The following PRRC2B variants were observed in gnomAD, a reference collection of about 807,000 sequenced individuals.
PRRC2B encodes the protein protein PRRC2B.
In PRRC2B, 68 loss-of-function variants were observed where a neutral mutation model predicts 242.3. That is an observed-to-expected ratio of 0.28 (90% confidence interval 0.23 to 0.34). The LOEUF is 0.34. Among genes scored for constraint, PRRC2B ranks in the 10% least tolerant of loss-of-function variants. PRRC2B has a pLI of 1.00. For missense variants in PRRC2B, 2,835 were observed against 2,954.8 expected, an observed-to-expected ratio of 0.96 and a Z score of 0.94; for synonymous variants, 1,228 against 1,173.6, an observed-to-expected ratio of 1.05 and a Z score of -0.95.
chr9:131,488,904 G>C (rs1944103043), intron 28 of PRRC2B, among the ~76,000 whole-genome samples: 1 of 152,162 alleles, frequency 6.6e-6, no homozygotes, highest in Non-Finnish European at 1.5e-5. Context: ...GTCTGGTCTG[G>C]CTTGCAGTCT....
At chr9:131,400,701 G>C (rs925431545) in intron 1 of PRRC2B, among the ~76,000 whole-genome samples, 1 of 152,042 alleles carries the variant, frequency 6.6e-6, no homozygotes, top group African/African-American at 2.4e-5. Flanking sequence ...CATGAGCCAC[G>C]GCACCCAGCA....
intron 1 of PRRC2B, among the ~76,000 whole-genome samples, chr9:131,403,054 T>C (rs1047438964): frequency 2.6e-5 from 4 of 152,208 alleles, no homozygotes; most frequent in Admixed American, 6.5e-5. Context: ...ACTCTTTCCA[T>C]GGGTCCTTTG....
chr9:131,480,866 ACT>A (rs1467730605), intron 19 of PRRC2B, among the ~76,000 whole-genome samples: 2 of 151,918 alleles, frequency 1.3e-5, no homozygotes, highest in African/African-American at 2.4e-5. Context: ...TCTTTCAAAG[ACT>A]CTGTAGAAGC....
At chr9:131,459,499 T>C in intron 11 of PRRC2B, 143 bp downstream of exon 11, 1 of 785,594 alleles carries the variant, frequency 1.3e-6, no homozygotes. Flanking sequence ...AGACAGGGTC[T>C]CACTATGTTG....
chr9:131,492,253 AC>A lies in PRRC2B; in HGVS notation c.6468del (p.Tyr2157ThrfsTer43), dbSNP rs779157079. 1 of 1,613,510 alleles carries A rather than the reference AC, an allele frequency of 6.2e-7. No individual in the cohort carries two copies. The highest frequency in any genetic ancestry group is 2.2e-5 in the East Asian group (1 of 44,864). On this transcript the variant is annotated frameshift_variant, in exon 30 of 32. Coordinates refer to ENST00000683519, the MANE Select transcript of PRRC2B (RefSeq NM_013318.4). LOFTEE classifies it high-confidence loss of function. ...AGGAGGCCCCGTGCCATCGCCACAG[AC>A]CTACAGGTAAAGCCACTCCCTGGGG... ...PSGGPVPSPQTYRPSSASPSG... is the reference protein window; with the variant it reads ...PSGGPVPSPQXYRPSSASPSG...
intron 10 of PRRC2B, among the ~76,000 whole-genome samples, chr9:131,457,774 G>A (rs1943125204): frequency 6.6e-6 from 1 of 152,112 alleles, no homozygotes; most frequent in African/African-American, 2.4e-5. Flanking sequence ...TTTTAGACAG[G>A]TCAGCAGCTT....
intron 1 of PRRC2B, among the ~76,000 whole-genome samples, chr9:131,410,483 A>G (rs1837478727): frequency 6.6e-6 from 1 of 152,240 alleles, no homozygotes; most frequent in Non-Finnish European, 1.5e-5. Flanking sequence ...GGGCCTCCCA[A>G]TCATGGCAGC....
intron 9 of PRRC2B, chr9:131,448,320 CAGATCACA>C (rs1342472982): frequency 6.6e-6 from 1 of 152,008 alleles, no homozygotes; most frequent in Non-Finnish European, 1.5e-5. Context: ...CTGAGGTGGG[CAGATCACA>C]AGATCAGGAG....
At chr9:131,453,321 G>A (rs1047763604) in intron 9 of PRRC2B, among the ~76,000 whole-genome samples, 2 of 152,140 alleles carry the variant, frequency 1.3e-5, no homozygotes, top group African/African-American at 4.8e-5. Context: ...GCACGTAATT[G>A]CAACTTGCTT....
intron 29 of PRRC2B, 134 bp from the exon 30 acceptor site, chr9:131,492,035 C>A: frequency 2.9e-6 from 2 of 691,958 alleles, no homozygotes; most frequent in Non-Finnish European, 5.0e-6. Context: ...GTGCCAAAAA[C>A]CACTGCTCTA....
chr9:131,481,459 G>T (rs1943865002), intron 19 of PRRC2B, among the ~76,000 whole-genome samples: 1 of 152,162 alleles, frequency 6.6e-6, no homozygotes, highest in Non-Finnish European at 1.5e-5. Context: ...TGAGGGCTCT[G>T]CCCTGCTCAC....
chr9:131,462,723 A>G (rs1943276497), intron 11 of PRRC2B, among the ~76,000 whole-genome samples: 1 of 150,582 alleles, frequency 6.6e-6, no homozygotes, highest in African/African-American at 2.4e-5. Flanking sequence ...CGGTATTCCC[A>G]GCTACTCAGG....
chr9:131,431,967 T>C (rs1838189510), intron 2 of PRRC2B, among the ~76,000 whole-genome samples: 1 of 152,114 alleles, frequency 6.6e-6, no homozygotes, highest in South Asian at 2.1e-4. Context: ...CTAATTTTTG[T>C]ATTTTTAGTA....
chr9:131,427,287 C>A (rs570337012), intron 1 of PRRC2B, among the ~76,000 whole-genome samples: 1 of 152,090 alleles, frequency 6.6e-6, no homozygotes, highest in Non-Finnish European at 1.5e-5. Context: ...TGTTTGTAAT[C>A]GATTTTCACT....
chr9:131,455,578 A>G (rs1004509939), intron 10 of PRRC2B, among the ~76,000 whole-genome samples: 5 of 139,754 alleles, frequency 3.6e-5, no homozygotes, highest in Non-Finnish European at 7.5e-5. Context: ...GTGCGGTGGC[A>G]TGATGTCAGC....
intron 17 of PRRC2B, 64 bp downstream of exon 17, chr9:131,478,013 G>C (rs982657247): frequency 3.4e-6 from 5 of 1,477,312 alleles, no homozygotes; most frequent in Non-Finnish European, 4.7e-6. Context: ...TGCAGTCCTC[G>C]GGCCTCCCGA....
chr9:131,388,239 CTTTT>C (rs536012324), intron 1 of PRRC2B, among the ~76,000 whole-genome samples: 2 of 121,122 alleles, frequency 1.7e-5, no homozygotes, highest in Non-Finnish European at 3.5e-5. Flanking sequence ...TTTACTTTTA[CTTTT>C]TTTTTTTTTT....
chr9:131,455,223 G>C, intron 10 of PRRC2B, 57 bp downstream of exon 10: 3 of 1,242,398 alleles, frequency 2.4e-6, no homozygotes, highest in Non-Finnish European at 3.5e-6. Context: ...GTGTTGTTGT[G>C]TACCCAGAGC....
rs1332100698 is a variant in PRRC2B at position 131,438,842 on chromosome 9, T to C, written c.397-147T>C. The C allele has an allele frequency of 2.0e-5, 13 of 638,914 alleles. No individual in the cohort carries two copies. In the Admixed American group the frequency reaches 3.0e-4, roughly 15 times the overall value. The allele number at this position is 638,914 out of a possible 1,614,324, so 39.6% of individuals were successfully genotyped here. ...TGCGTTACAGGGAAGGTTCAGGGCT[T>C]TGCTGCTGCTCAGAAAGTGGTGGTG... is the stretch of plus-strand genomic sequence containing the variant. On this transcript the variant is annotated intron_variant, in intron 4 of 31. Transcript: ENST00000683519.
Sources: gnomAD v4.1 joint callset for allele counts (sites outside exome capture counted in the v4.1 genomes callset) on GRCh38, gnomAD v4.1.1 for gene constraint, MANE v1.5 for transcripts, NCBI Gene and HGNC (gene_info 2026-07-23, HGNC 2026-07-21) for gene names.